Variants in PIP4K2A observed in about 807,000 individuals in gnomAD.
PIP4K2A encodes the protein phosphatidylinositol-5-phosphate 4-kinase type 2 alpha.
In PIP4K2A, 14 loss-of-function variants were observed where a neutral mutation model predicts 42.9. The ratio of observed to expected loss-of-function variants is 0.33; its 90% confidence interval spans 0.22 to 0.51. PIP4K2A has a LOEUF of 0.51. Among genes scored for constraint, PIP4K2A ranks in the 20% least tolerant of loss-of-function variants. The pLI is 0.97. For synonymous variants in PIP4K2A, 192 were observed against 192.2 expected (o/e 1.00, Z 0.01); for missense variants, 434 against 519.8 (o/e 0.83, Z 1.61).
intron 5 of PIP4K2A, among the ~76,000 whole-genome samples, chr10:22,568,126 GCTCAC>G (rs1836894148): frequency 6.6e-6 from 1 of 152,198 alleles, no homozygotes; most frequent in African/African-American, 2.4e-5. Context: ...ACTCTGTCTT[GCTCAC>G]CTGTGTTTCT....
chr10:22,683,980 G>T (rs1014696173), intron 1 of PIP4K2A, among the ~76,000 whole-genome samples: 1 of 151,918 alleles, frequency 6.6e-6, no homozygotes, highest in African/African-American at 2.4e-5. Context: ...CACCACATCG[G>T]CCAAATACCC....
intron 4 of PIP4K2A, among the ~76,000 whole-genome samples, chr10:22,576,672 G>GT (rs1262051122): frequency 2.6e-5 from 4 of 152,172 alleles, no homozygotes; most frequent in Non-Finnish European, 5.9e-5. Context: ...TAGTTATAAA[G>GT]TTTTTAGAAC....
chr10:22,656,578 G>T (rs536268176), intron 1 of PIP4K2A, among the ~76,000 whole-genome samples: 1 of 152,146 alleles, frequency 6.6e-6, no homozygotes, highest in South Asian at 2.1e-4. Context: ...AGGCTGAGGC[G>T]GGTGGATCAC....
intron 6 of PIP4K2A, among the ~76,000 whole-genome samples, chr10:22,555,760 A>T (rs1208441362): frequency 1.5e-5 from 2 of 129,344 alleles, no homozygotes; most frequent in African/African-American, 7.3e-5. Flanking sequence ...CTGGATAATT[A>T]AAAAAAAAAA....
At chr10:22,583,936 A>G (rs1041474528) in intron 4 of PIP4K2A, among the ~76,000 whole-genome samples, 2 of 152,234 alleles carry the variant, frequency 1.3e-5, no homozygotes, top group East Asian at 1.9e-4. Flanking sequence ...GGCATGTTCC[A>G]TAGTGCCCCG....
chr10:22,626,947 C>T (rs115155344), intron 1 of PIP4K2A, among the ~76,000 whole-genome samples: 1 of 152,122 alleles, frequency 6.6e-6, no homozygotes, highest in East Asian at 1.9e-4. Context: ...TTCCTATTCA[C>T]AAACTGTCAA....
chr10:22,568,670 C>T (rs551036178), intron 5 of PIP4K2A, among the ~76,000 whole-genome samples: 3 of 152,268 alleles, frequency 2.0e-5, no homozygotes, highest in Non-Finnish European at 2.9e-5. Flanking sequence ...GAGTCTACCT[C>T]GGAGGCCGAC....
intron 9 of PIP4K2A, 53 bp downstream of exon 9, chr10:22,539,911 GGGAGAGA>G (rs1836055374): frequency 1.1e-3 from 116 of 110,108 alleles, no homozygotes; most frequent in South Asian, 1.2e-3. Context: ...GAGAGAGAGA[GGGAGAGA>G]GAGAGAGAGA....
At chr10:22,660,571 C>T (rs1281629497) in intron 1 of PIP4K2A, among the ~76,000 whole-genome samples, 3 of 152,074 alleles carry the variant, frequency 2.0e-5, no homozygotes, top group African/African-American at 7.2e-5. Context: ...GATCCATGTG[C>T]TTTATGACTC....
chr10:22,702,068 C>T (rs529761173), intron 1 of PIP4K2A, among the ~76,000 whole-genome samples: 1 of 152,300 alleles, frequency 6.6e-6, no homozygotes, highest in East Asian at 1.9e-4. Flanking sequence ...TCTTGGTCTC[C>T]AGTATCCCTA....
rs1837853597 is a variant in PIP4K2A, at chr10:22,604,036, CAG to C, written c.339+3889_339+3890del. On this transcript the variant is annotated intron_variant, in intron 3 of 9. Transcript: ENST00000376573. ...ACACACACACACACACACACACACA[CAG>C]AGGTTTACATATGTATGTTACATGG... is the stretch of plus-strand genomic sequence containing the variant. Among the ~76,000 whole-genome samples, 5 of 144,628 alleles carry C rather than the reference CAG, an allele frequency of 3.5e-5. No homozygotes were observed. In the Admixed American group the frequency reaches 3.5e-4, roughly 10 times the overall value. 94.9% of individuals were successfully genotyped at this position (144,628 alleles called of 152,430 possible). A position where few individuals can be genotyped will look rare whatever the true frequency, so the allele number is the denominator to read the frequency against.
chr10:22,591,710 G>T lies in PIP4K2A; in HGVS notation c.411C>A (p.Ser137=). ...QARSGARFHT[S]YDKRYIIKTI... ...TCTTGATGATGTATCTTTTGTCGTA[G>T]GAAGTGTGAAAACGAGCTCCACTGC... The change falls in exon 4 of 10, where the codon TCC becomes TCA. Residue 137 remains serine (S), a synonymous_variant. Coordinates refer to ENST00000376573, the MANE Select transcript of PIP4K2A (RefSeq NM_005028.5). 1 of 1,613,812 alleles carries T rather than the reference G, an allele frequency of 6.2e-7. No individual in the cohort carries two copies. Among genetic ancestry groups the T allele is most frequent in the Non-Finnish European group, 8.5e-7 (1 of 1,179,778 alleles).
chr10:22,548,123 A>T (rs952596905), intron 7 of PIP4K2A, among the ~76,000 whole-genome samples: 1 of 152,254 alleles, frequency 6.6e-6, no homozygotes, highest in Non-Finnish European at 1.5e-5. Flanking sequence ...CTCATTATCA[A>T]GATCAGATGT....
At chr10:22,546,260 T>C (rs999528163) in intron 7 of PIP4K2A, among the ~76,000 whole-genome samples, 3 of 152,192 alleles carry the variant, frequency 2.0e-5, no homozygotes, top group Non-Finnish European at 2.9e-5. Flanking sequence ...CACAAAATAA[T>C]GGAAGCTGTT....
chr10:22,585,522 C>G (rs907293034), intron 4 of PIP4K2A, among the ~76,000 whole-genome samples: 3 of 152,056 alleles, frequency 2.0e-5, no homozygotes, highest in Non-Finnish European at 4.4e-5. Flanking sequence ...TAAGGTATTT[C>G]TTGATCACCT....
intron 1 of PIP4K2A, among the ~76,000 whole-genome samples, chr10:22,623,130 G>C (rs942045931): frequency 3.3e-5 from 5 of 151,994 alleles, no homozygotes; most frequent in Non-Finnish European, 7.4e-5. Flanking sequence ...TGAGAAAAGC[G>C]AGATAGAGAT....
intron 1 of PIP4K2A, among the ~76,000 whole-genome samples, chr10:22,704,767 GC>G (rs1468157947): frequency 6.6e-6 from 1 of 152,114 alleles, no homozygotes; most frequent in East Asian, 1.9e-4. Flanking sequence ...AAGATGGGCG[GC>G]CCCGGAATGG....
intron 1 of PIP4K2A, among the ~76,000 whole-genome samples, chr10:22,710,062 CCA>C (rs1833887080): frequency 8.1e-6 from 1 of 123,982 alleles, no homozygotes; most frequent in Non-Finnish European, 1.7e-5. Context: ...AACCCATGAA[CCA>C]AAAAAAAAAA....
At chr10:22,595,883 T>G (rs1837623030) in intron 3 of PIP4K2A, among the ~76,000 whole-genome samples, 1 of 152,090 alleles carries the variant, frequency 6.6e-6, no homozygotes, top group South Asian at 2.1e-4. Flanking sequence ...GAATTAGACC[T>G]CTACCTTGGA....
Sources: allele counts gnomAD v4.1 joint callset (sites outside exome capture counted in the v4.1 genomes callset), GRCh38; gene constraint gnomAD v4.1.1; transcripts MANE v1.5; gene names NCBI Gene and HGNC (gene_info 2026-07-23, HGNC 2026-07-21).